RLF: variants seen among roughly 807,000 people sequenced by gnomAD.
RLF encodes zinc finger protein Rlf.
In RLF, 7 loss-of-function variants were observed where a neutral mutation model predicts 162.9. The observed-to-expected ratio is 0.04, with a 90% CI of 0.02 to 0.08. The LOEUF (loss-of-function observed/expected upper bound fraction) is 0.08. Among genes scored for constraint, RLF ranks in the 10% least tolerant of loss-of-function variants. The probability of loss-of-function intolerance (pLI) is 1.00; values close to 1 mark genes in which losing one functional copy is unlikely to be tolerated. For missense variants in RLF, 1,664 were observed against 2,244.7 expected (o/e 0.74, Z 5.23); for synonymous variants, 782 against 791.5 (o/e 0.99, Z 0.20).
Position 40,239,506 on chromosome 1 carries a change from C to A in RLF, c.4804C>A (p.Pro1602Thr). 6.2e-7 allele frequency: 1 copy of A among 1,613,970 alleles called. No individual in the cohort carries two copies. Among genetic ancestry groups the A allele is most frequent in the Non-Finnish European group, 8.5e-7 (1 of 1,180,028 alleles). The change falls in exon 8 of 8, where the codon CCC (proline) becomes ACC (threonine). Residue 1602 changes from proline (P) to threonine (T), a missense_variant. Transcript: ENST00000372771. ...GTACGGTACCAAAATTAAGGAGGAA[C>A]CCCCTTCTGAAGCAGATCCCTGTAT... ...VKYGTKIKEE[P>T]PSEADPCIKK... is the part of the protein sequence containing the mutation.
chr1:40,178,949 C>G (rs766385232), intron 1 of RLF, among the ~76,000 whole-genome samples: 9 of 152,138 alleles, frequency 5.9e-5, no homozygotes, highest in Non-Finnish European at 1.0e-4. Context: ...ATTCTCCTGC[C>G]TCAGCTTCCT....
rs910033382 is a variant in RLF at position 40,161,456 on chromosome 1, G to A, written c.57G>A (p.Pro19=). 8 of 1,576,974 alleles carry A rather than the reference G, an allele frequency of 5.1e-6. No homozygotes were observed. The highest frequency in any genetic ancestry group is 6.9e-6 in the Non-Finnish European group (8 of 1,163,722). ...AAVAGAGAEA[P]AVAGAGDGVE... is the part of the protein sequence containing the mutation. ...TCGCCGGGGCTGGGGCTGAGGCTCC[G>A]GCGGTAGCGGGAGCCGGAGATGGAG... is the stretch of plus-strand genomic sequence containing the variant. Residue 19 remains proline, a synonymous_variant, in exon 1 of 8, where the codon CCG becomes CCA. Coordinates refer to ENST00000372771, the MANE Select transcript of RLF (RefSeq NM_012421.4). This position sits in a 1 kb window ranked among gnomAD's most constrained non-coding sequence, Gnocchi z 4.4.
intron 4 of RLF, among the ~76,000 whole-genome samples, chr1:40,198,658 T>C (rs1642671112): frequency 6.6e-6 from 1 of 152,172 alleles, no homozygotes; most frequent in Non-Finnish European, 1.5e-5. Context: ...AAGTATATAG[T>C]ATAAGATAAA....
intron 1 of RLF, among the ~76,000 whole-genome samples, chr1:40,188,547 A>G (rs1033601043): frequency 6.6e-6 from 1 of 152,170 alleles, no homozygotes; most frequent in East Asian, 1.9e-4. Flanking sequence ...AAATATCAAT[A>G]TAACATTAAC....
Position 40,195,784 on chromosome 1 carries a change from T to C in RLF, c.607+20T>C, listed in dbSNP as rs767392761. The C allele has an allele frequency of 6.3e-7, 1 of 1,599,186 alleles. No individual in the cohort carries two copies. The highest frequency in any genetic ancestry group is 1.1e-5 in the South Asian group (1 of 88,006). ...AGGAAGGTAAGTCTTAAGACTATAT[T>C]GGATGAGGATTTAGTTCTGAGAACG... On this transcript the variant is annotated intron_variant, in intron 4 of 7. Coordinates refer to ENST00000372771, the MANE Select transcript of RLF (RefSeq NM_012421.4).
At chr1:40,223,142 C>A (rs1205320784) in intron 6 of RLF, among the ~76,000 whole-genome samples, 7 of 152,258 alleles carry the variant, frequency 4.6e-5, no homozygotes, top group Admixed American at 4.6e-4. Flanking sequence ...GAATAGTAAT[C>A]TCTTTTGCAA....
At chr1:40,172,303 A>G (rs1230681282) in intron 1 of RLF, among the ~76,000 whole-genome samples, 1 of 152,160 alleles carries the variant, frequency 6.6e-6, no homozygotes, top group Non-Finnish European at 1.5e-5. Flanking sequence ...GTCCTTAAAA[A>G]CACAAGTACT....
intron 6 of RLF, among the ~76,000 whole-genome samples, chr1:40,230,862 T>A (rs1288919179): frequency 6.6e-6 from 1 of 152,258 alleles, no homozygotes; most frequent in Non-Finnish European, 1.5e-5. Flanking sequence ...TTTCTAATGC[T>A]TTTTTGCGTG....
At chr1:40,222,422 T>G (rs1176850887) in intron 5 of RLF, 152 bp from the exon 6 acceptor site, 1 of 637,322 alleles carries the variant, frequency 1.6e-6, no homozygotes, top group Non-Finnish European at 2.7e-6. Flanking sequence ...TAATATTTTC[T>G]TATGTGAAAT....
chr1:40,227,419 G>C lies in RLF; in HGVS notation c.948-4098G>C, dbSNP rs181530345. ...CGCATGTTTGATCTGTCAGGCTGTAGGTTACTATTGGATGTTGATTTCAGT... is the reference window on the plus strand; with the variant it reads ...CGCATGTTTGATCTGTCAGGCTGTACGTTACTATTGGATGTTGATTTCAGT... On this transcript the variant is annotated intron_variant, in intron 6 of 7. Transcript: ENST00000372771. Among the ~76,000 whole-genome samples the C allele has an allele frequency of 4.9e-3, 748 of 152,186 alleles. 5 individuals are homozygous for C. The highest frequency in any genetic ancestry group is 0.017 in the African/African-American group (699 of 41,528).
At position 40,239,742 on chromosome 1, in the gene RLF, C is replaced by A; in HGVS notation, c.5040C>A (p.Thr1680=). 2 of 1,614,090 alleles carry A rather than the reference C, an allele frequency of 1.2e-6. No homozygotes were observed. The highest frequency in any genetic ancestry group is 1.6e-4 in the Middle Eastern group (1 of 6,062). ...GTLKCNHSSK[T]TSLEQCNIVQ... ...TGAAATGTAATCATAGTTCCAAAACCACTTCCCTAGAACAGTGTAATATAG... is the reference window on the plus strand; with the variant it reads ...TGAAATGTAATCATAGTTCCAAAACAACTTCCCTAGAACAGTGTAATATAG... The change falls in exon 8 of 8, where the codon ACC becomes ACA. Residue 1680 remains threonine (T), a synonymous_variant. Transcript: ENST00000372771.
In RLF at chr1:40,239,583, T is replaced by C. The variant is rs1308846049; in HGVS notation, c.4881T>C (p.His1627=). ...AATCAGAGCGCACAGAACACAGCCA[T>C]TCCCCGGGTGACAGTAGTGCACCCA... is the stretch of plus-strand genomic sequence containing the variant. ...SCESERTEHS[H]SPGDSSAPIQ... The change falls in exon 8 of 8, where the codon CAT becomes CAC. Residue 1627 remains histidine, a synonymous_variant. Transcript: ENST00000372771. 4.3e-6 allele frequency: 7 copies of C among 1,614,008 alleles called. No individual in the cohort carries two copies. The highest frequency in any genetic ancestry group is 5.9e-6 in the Non-Finnish European group (7 of 1,180,026).
chr1:40,165,137 G>A (rs1642148049), intron 1 of RLF, among the ~76,000 whole-genome samples: 3 of 152,170 alleles, frequency 2.0e-5, no homozygotes, highest in African/African-American at 7.2e-5. Flanking sequence ...CTTCAGAATT[G>A]TCTGTGTTAT....
chr1:40,193,881 T>A (rs914262626), intron 3 of RLF, among the ~76,000 whole-genome samples: 1 of 152,168 alleles, frequency 6.6e-6, no homozygotes, highest in Non-Finnish European at 1.5e-5. Flanking sequence ...TTCTTATGCC[T>A]GTGAACATTT....
chr1:40,169,508 C>G (rs1437792654), intron 1 of RLF, among the ~76,000 whole-genome samples: 1 of 145,328 alleles, frequency 6.9e-6, no homozygotes, highest in African/African-American at 2.5e-5. Context: ...CCCAGCTACT[C>G]GGGAGGCTGA....
Position 40,239,097 on chromosome 1 carries a change from A to G in RLF, c.4395A>G (p.Val1465=), listed in dbSNP as rs551866842. 2.5e-6 allele frequency: 4 copies of G among 1,614,162 alleles called. No homozygotes were observed. The highest frequency in any genetic ancestry group is 2.2e-5 in the East Asian group (1 of 44,890). The change falls in exon 8 of 8, where the codon GTA becomes GTG. Residue 1465 remains valine (V), a synonymous_variant. Transcript: ENST00000372771. ...ATCGCAGTAATTACTCACAACATGT[A>G]TATTACCGACATAAAGACTATTATG... ...FTHRSNYSQH[V]YYRHKDYYDD...
At chr1:40,172,010 CTTA>C (rs757681525) in intron 1 of RLF, among the ~76,000 whole-genome samples, 5 of 152,050 alleles carry the variant, frequency 3.3e-5, no homozygotes, top group Non-Finnish European at 5.9e-5. Flanking sequence ...CTAAAACCTG[CTTA>C]TTATTGTAGA....
chr1:40,173,572 G>C (rs1205100678), intron 1 of RLF, among the ~76,000 whole-genome samples: 1 of 147,964 alleles, frequency 6.8e-6, no homozygotes, highest in Non-Finnish European at 1.5e-5. Flanking sequence ...GTAGTGCAGT[G>C]TTACAATCTC....
At chr1:40,179,336 A>G (rs975004095) in intron 1 of RLF, among the ~76,000 whole-genome samples, 1 of 152,170 alleles carries the variant, frequency 6.6e-6, no homozygotes, top group Non-Finnish European at 1.5e-5. Flanking sequence ...ACTTTTACCC[A>G]GCATGATAAA....
Sources: allele counts gnomAD v4.1 joint callset (sites outside exome capture counted in the v4.1 genomes callset), GRCh38; gene constraint gnomAD v4.1.1; non-coding constraint Gnocchi (gnomAD v3.1); transcripts MANE v1.5; gene names NCBI Gene and HGNC (gene_info 2026-07-23, HGNC 2026-07-21).